Variants in HECW1 observed in about 807,000 individuals in gnomAD.
HECW1 encodes E3 ubiquitin-protein ligase HECW1.
In HECW1, 61 loss-of-function variants were observed where a neutral mutation model predicts 182.3. That is an observed-to-expected ratio of 0.33 (90% CI 0.27 to 0.41). The LOEUF (loss-of-function observed/expected upper bound fraction) is 0.41, where lower values mean the gene tolerates loss of function less well. HECW1 is among the 10% of genes least tolerant of loss of function. The probability of loss-of-function intolerance (pLI) is 1.00; values close to 1 mark genes in which losing one functional copy is unlikely to be tolerated. For missense variants in HECW1, 1,739 were observed against 2,108.9 expected, an observed-to-expected ratio of 0.82 and a Z score of 3.44; for synonymous variants, 859 against 832.6, an observed-to-expected ratio of 1.03 and a Z score of -0.55.
intron 5 of HECW1, among the ~76,000 whole-genome samples, chr7:43,345,177 CA>C (rs150361056): frequency 0.011 from 1,686 of 152,232 alleles, 33 homozygotes; most frequent in African/African-American, 0.039. Flanking sequence ...TGAATATTCA[CA>C]AAGGGGTTCC....
chr7:43,469,401 A>C (rs543972099), intron 16 of HECW1, among the ~76,000 whole-genome samples: 1 of 151,938 alleles, frequency 6.6e-6, no homozygotes, highest in Admixed American at 6.6e-5. Context: ...CACTGTCTAC[A>C]TTTTTTTTAA....
chr7:43,336,124 T>TTCTTTCTTTCTCTCTCTCTC (rs1313057919), intron 5 of HECW1, among the ~76,000 whole-genome samples: 1 of 64,306 alleles, frequency 1.6e-5, no homozygotes, highest in African/African-American at 7.2e-5. Flanking sequence ...CTTTCTTTCT[T>TTCTTTCTTTCTCTCTCTCTC]TCTCTCTCTC....
chr7:43,248,034 AGGG>A (rs1457489450), intron 3 of HECW1, among the ~76,000 whole-genome samples: 66 of 131,652 alleles, frequency 5.0e-4, no homozygotes, highest in African/African-American at 1.7e-3. Context: ...GCAAGCAAGA[AGGG>A]AGGGAGGGAG....
At chr7:43,528,709 C>A (rs370214132) in intron 24 of HECW1, among the ~76,000 whole-genome samples, 2 of 152,304 alleles carry the variant, frequency 1.3e-5, no homozygotes, top group Admixed American at 6.5e-5. Context: ...CCTCTGCCCC[C>A]CTGCAGGGCA....
intron 16 of HECW1, among the ~76,000 whole-genome samples, chr7:43,472,471 G>A (rs13241883): frequency 0.22 from 34,072 of 151,936 alleles, 4,417 homozygotes; most frequent in African/African-American, 0.35. Flanking sequence ...GCCAAGAATC[G>A]TGCCTAGTAT....
intron 8 of HECW1, among the ~76,000 whole-genome samples, chr7:43,424,138 C>T (rs1038396224): frequency 1.3e-5 from 2 of 152,172 alleles, no homozygotes; most frequent in Non-Finnish European, 2.9e-5. Context: ...TCATCTCTGA[C>T]TGTGATTCCA....
At chr7:43,373,742 T>C (rs1330446264) in intron 6 of HECW1, among the ~76,000 whole-genome samples, 1 of 152,188 alleles carries the variant, frequency 6.6e-6, no homozygotes, top group African/African-American at 2.4e-5. Flanking sequence ...TCTCCAGGAC[T>C]TTTCATCTTC....
intron 21 of HECW1, 62 bp downstream of exon 21, chr7:43,501,384 G>T: frequency 1.1e-6 from 1 of 901,926 alleles, no homozygotes. Flanking sequence ...TCCAGTGAAG[G>T]TGAATGAAAG....
chr7:43,419,520 G>T (rs1188325931), intron 8 of HECW1, among the ~76,000 whole-genome samples: 1 of 151,948 alleles, frequency 6.6e-6, no homozygotes, highest in Non-Finnish European at 1.5e-5. Context: ...TGTCTTCTGT[G>T]CTATTCTTTG....
chr7:43,500,676 C>T, intron 19 of HECW1, 23 bp from the exon 20 acceptor site: 8 of 1,579,004 alleles, frequency 5.1e-6, no homozygotes, highest in Non-Finnish European at 5.2e-6. Context: ...TCTAATTTTC[C>T]TCTTCTTTCT....
At chr7:43,500,610 T>C (rs1000860088) in intron 19 of HECW1, 89 bp from the exon 20 acceptor site, 1 of 1,047,054 alleles carries the variant, frequency 9.6e-7, no homozygotes, top group African/African-American at 1.6e-5. Context: ...TCAGCAGTAT[T>C]GGAAGAGGAA....
Position 43,259,739 on chromosome 7 carries a change from A to C in HECW1, c.27+15807A>C, listed in dbSNP as rs191164613. Reference sequence around the variant, plus strand: ...ACTGAAAGAAAAGATTAGTGAACTTAAAGAATGGTTAATAGAAATTATTCA... The same window carrying C: ...ACTGAAAGAAAAGATTAGTGAACTTCAAGAATGGTTAATAGAAATTATTCA... On this transcript the variant is annotated intron_variant, in intron 3 of 29. Transcript: ENST00000395891. 5.3e-5 allele frequency among the ~76,000 whole-genome samples: 8 copies of C among 152,350 alleles called. No individual in the cohort carries two copies. In the East Asian group the frequency reaches 1.5e-3, roughly 29 times the overall value.
chr7:43,488,472 GAAAGAAAGAAAGAAAGAGAA>G (rs1442904328), intron 17 of HECW1, among the ~76,000 whole-genome samples: 31 of 146,692 alleles, frequency 2.1e-4, no homozygotes, highest in African/African-American at 6.4e-4. Flanking sequence ...AAGAAAGAAA[GAAAGAAAGAAAGAAAGAGAA>G]AGAAAGAAAG....
At chr7:43,517,114 C>T (rs943883637) in intron 24 of HECW1, among the ~76,000 whole-genome samples, 6 of 152,124 alleles carry the variant, frequency 3.9e-5, no homozygotes, top group Non-Finnish European at 7.3e-5. Context: ...TCACTCTTTA[C>T]ATAATTGTCA....
intron 2 of HECW1, among the ~76,000 whole-genome samples, chr7:43,136,800 G>A (rs1332587457): frequency 2.0e-5 from 3 of 152,054 alleles, no homozygotes; most frequent in African/African-American, 7.2e-5. Context: ...TGTGCCTTGG[G>A]GAGCATTATA....
chr7:43,300,193 A>G (rs1279636467), intron 3 of HECW1, among the ~76,000 whole-genome samples: 1 of 152,212 alleles, frequency 6.6e-6, no homozygotes, highest in Non-Finnish European at 1.5e-5. Flanking sequence ...CTATACATAT[A>G]TTGCCAGTTC....
In HECW1 at chr7:43,114,338, G is replaced by A; in HGVS notation, c.-85G>A. The stretch of plus-strand genomic sequence containing the variant: ...TGTGGTCCAAGGCGTCTCAAAGCAG[G>A]TGGCCAGATCTGCGTTTCTCATCAG... On this transcript the variant is annotated 5_prime_UTR_variant, in exon 2 of 30. It adds an upstream start codon to the 5' untranslated region. Transcript: ENST00000395891. 7.4e-7 allele frequency: 1 copy of A among 1,359,860 alleles called. No individual in the cohort carries two copies. The highest frequency in any genetic ancestry group is 9.7e-7 in the Non-Finnish European group (1 of 1,032,022). 84.2% of individuals were successfully genotyped at this position (1,359,860 alleles called of 1,614,324 possible).
At chr7:43,412,768 A>C (rs2075850822) in intron 8 of HECW1, among the ~76,000 whole-genome samples, 2 of 151,370 alleles carry the variant, frequency 1.3e-5, no homozygotes, top group Admixed American at 1.3e-4. Context: ...CCATGTCCCT[A>C]CAAAGGACAT....
intron 3 of HECW1, among the ~76,000 whole-genome samples, chr7:43,307,777 C>T (rs1378117519): frequency 6.6e-6 from 1 of 150,780 alleles, no homozygotes; most frequent in Non-Finnish European, 1.5e-5. Flanking sequence ...GACATTTGCT[C>T]AAATGTGCTC....
Sources: allele counts gnomAD v4.1 joint callset (sites outside exome capture counted in the v4.1 genomes callset), GRCh38; gene constraint gnomAD v4.1.1; transcripts MANE v1.5; gene names NCBI Gene and HGNC (gene_info 2026-07-23, HGNC 2026-07-21).